Variants in USP22 observed in about 807,000 individuals in gnomAD.
USP22 encodes ubiquitin carboxyl-terminal hydrolase 22.
USP22 carries 22 observed loss-of-function variants against 68.1 expected under a neutral mutation model. That is an observed-to-expected ratio of 0.32 (90% CI 0.23 to 0.46). The LOEUF is 0.46. USP22 is among the 20% of genes least tolerant of loss of function. The probability of loss-of-function intolerance (pLI) is 1.00; values close to 1 mark genes in which losing one functional copy is unlikely to be tolerated. For synonymous variants in USP22, 279 were observed against 274.2 expected (o/e 1.02, Z -0.17); for missense variants, 433 against 695.8 (o/e 0.62, Z 4.25).
At chr17:21,033,728 T>C (rs1279009224) in intron 1 of USP22, among the ~76,000 whole-genome samples, 2 of 151,630 alleles carry the variant, frequency 1.3e-5, no homozygotes, top group African/African-American at 4.9e-5. Context: ...ACTCAAACAC[T>C]GACATAAGTG....
In USP22 at chr17:21,042,873, G is replaced by T; in HGVS notation, c.-38C>A. ...CCGGCCGCGCGCGGGGGGCGGCGGCGAGGGAGGCGAGGACGACGCCAGCGC... is the reference window on the plus strand; with the variant it reads ...CCGGCCGCGCGCGGGGGGCGGCGGCTAGGGAGGCGAGGACGACGCCAGCGC... On this transcript the variant is annotated 5_prime_UTR_variant, in exon 1 of 13. Coordinates refer to ENST00000261497, the MANE Select transcript of USP22 (RefSeq NM_015276.2). 1.6e-6 allele frequency: 2 copies of T among 1,220,426 alleles called. No homozygotes were observed. The highest frequency in any genetic ancestry group is 2.1e-6 in the Non-Finnish European group (2 of 975,524). 75.6% of individuals were successfully genotyped at this position (1,220,426 alleles called of 1,614,324 possible). A position where few individuals can be genotyped will look rare whatever the true frequency, so the allele number is the denominator to read the frequency against.
intron 5 of USP22, among the ~76,000 whole-genome samples, chr17:21,017,603 G>C (rs972837319): frequency 6.6e-6 from 1 of 152,198 alleles, no homozygotes; most frequent in Admixed American, 6.5e-5. Context: ...GGTGACACAT[G>C]CGTGCCTTTC....
chr17:21,042,656 C>T lies in USP22; in HGVS notation c.171+9G>A. On this transcript the variant is annotated intron_variant, in intron 1 of 12. Transcript: ENST00000261497. The stretch of plus-strand genomic sequence containing the variant: ...CCGAGCCCGCCGCGCGGTGGGCTGC[C>T]GGGCGCACCTTGCGCTTGCGGGCCT... The T allele has an allele frequency of 7.9e-7, 1 of 1,266,198 alleles. No individual in the cohort carries two copies. The allele number at this position is 1,266,198 out of a possible 1,614,324, so 78.4% of individuals were successfully genotyped here.
chr17:21,036,675 G>A (rs1972362113), intron 1 of USP22, among the ~76,000 whole-genome samples: 1 of 152,184 alleles, frequency 6.6e-6, no homozygotes, highest in Non-Finnish European at 1.5e-5. Context: ...ATAAACTGGA[G>A]GGGAAGGCTA....
rs11430423 is a variant in USP22 at position 21,002,953 on chromosome 17, A to AGG, written c.*76_*77dup. The stretch of plus-strand genomic sequence containing the variant: ...GGGGAGGCGGCGGGAGACTTGGGGG[A>AGG]GGGGGGGGCCAGGGAGGATCACTTT... On this transcript the variant is annotated 3_prime_UTR_variant, in exon 13 of 13. Transcript: ENST00000261497. 1,079 of 1,480,754 alleles carry AGG rather than the reference A, an allele frequency of 7.3e-4. 7 individuals carry two copies. In the African/African-American group the frequency reaches 0.013, roughly 18 times the overall value. The allele number at this position is 1,480,754 out of a possible 1,614,324, so 91.7% of individuals were successfully genotyped here. A position where few individuals can be genotyped will look rare whatever the true frequency, so the allele number is the denominator to read the frequency against.
intron 6 of USP22, among the ~76,000 whole-genome samples, chr17:21,013,388 GTCC>G (rs1365381318): frequency 6.6e-6 from 1 of 152,208 alleles, no homozygotes; most frequent in Non-Finnish European, 1.5e-5. Context: ...GACACAGGCT[GTCC>G]TCATCAGCTA....
At chr17:21,006,312 C>T (rs757700929) in intron 10 of USP22, among the ~76,000 whole-genome samples, 35 of 152,286 alleles carry the variant, frequency 2.3e-4, no homozygotes, top group Non-Finnish European at 4.7e-4. Context: ...ATCTGTTCCA[C>T]GAACTAAAAT....
intron 1 of USP22, among the ~76,000 whole-genome samples, chr17:21,028,907 C>A (rs979595479): frequency 6.6e-6 from 1 of 152,230 alleles, no homozygotes; most frequent in African/African-American, 2.4e-5. Flanking sequence ...ACAACTTCAA[C>A]TGCCAAAACC....
rs1263678119 is a variant in USP22 at position 21,001,488 on chromosome 17, AAT to A, written c.*1541_*1542del. 2.0e-5 allele frequency: 3 copies of A among 152,236 alleles called. No homozygotes were observed. The highest frequency in any genetic ancestry group is 4.8e-5 in the African/African-American group (2 of 41,464). The allele number at this position is 152,236 out of a possible 1,614,324, so 9.4% of individuals were successfully genotyped here. A position where few individuals can be genotyped will look rare whatever the true frequency, so the allele number is the denominator to read the frequency against. ...AAATCTAAGTTTCTTGACACAGAAC[AAT>A]ATATGTCATTCAGATTTCTGTGTCT... On this transcript the variant is annotated 3_prime_UTR_variant, in exon 13 of 13. Coordinates refer to ENST00000261497, the MANE Select transcript of USP22 (RefSeq NM_015276.2).
intron 3 of USP22, 108 bp downstream of exon 3, chr17:21,021,005 C>T (rs533667941): frequency 7.1e-6 from 6 of 850,424 alleles, no homozygotes; most frequent in Non-Finnish European, 1.2e-5. Flanking sequence ...CTCTTCCCAC[C>T]AGCCTGCCAC....
Position 21,002,885 on chromosome 17 carries a change from T to TG in USP22, c.*145dup. The TG allele has an allele frequency of 1.0e-6, 1 of 965,684 alleles. No homozygotes were observed. Among genetic ancestry groups the TG allele is most frequent in the South Asian group, 1.4e-5 (1 of 69,602 alleles). 59.8% of individuals were successfully genotyped at this position (965,684 alleles called of 1,614,324 possible). On this transcript the variant is annotated 3_prime_UTR_variant, in exon 13 of 13. Transcript: ENST00000261497. Reference sequence around the variant, plus strand: ...CCATCCCGACCCGATGGGTCCCAGGTGCAGAGGGGCCACATCTGCATGGGA... The same window carrying TG: ...CCATCCCGACCCGATGGGTCCCAGGTGGCAGAGGGGCCACATCTGCATGGGA...
intron 2 of USP22, among the ~76,000 whole-genome samples, chr17:21,024,014 A>C (rs1208315524): frequency 6.6e-6 from 1 of 152,236 alleles, no homozygotes; most frequent in Non-Finnish European, 1.5e-5. Context: ...AAGTCTTCCA[A>C]AGCAGATCTG....
At chr17:21,019,970 T>A (rs1972133284) in intron 3 of USP22, among the ~76,000 whole-genome samples, 1 of 152,172 alleles carries the variant, frequency 6.6e-6, no homozygotes, top group Non-Finnish European at 1.5e-5. Context: ...CAGAGATTGC[T>A]CTCCAGAGAA....
At chr17:21,034,738 C>T (rs1267935716) in intron 1 of USP22, among the ~76,000 whole-genome samples, 1 of 152,016 alleles carries the variant, frequency 6.6e-6, no homozygotes, top group African/African-American at 2.4e-5. Flanking sequence ...CTTAATATGG[C>T]CCCAAAGCTC....
At chr17:21,032,922 C>CAAAAAAAAAAAAAAAA (rs753804890) in intron 1 of USP22, among the ~76,000 whole-genome samples, 6 of 91,574 alleles carry the variant, frequency 6.6e-5, no homozygotes, top group African/African-American at 2.9e-4. Flanking sequence ...GACCCTGTCT[C>CAAAAAAAAAAAAAAAA]AAAAAAAAAA....
intron 3 of USP22, among the ~76,000 whole-genome samples, chr17:21,020,244 C>CAAAAAAAAAAAAAAAAAAAAAAAAA (rs3047597): frequency 9.6e-5 from 7 of 73,284 alleles, no homozygotes; most frequent in Non-Finnish European, 1.3e-4. Flanking sequence ...AATCAAAAAC[C>CAAAAAAAAAAAAAAAAAAAAAAAAA]AAAAAAAAAA....
At chr17:21,022,480 T>C (rs1470032278) in intron 2 of USP22, among the ~76,000 whole-genome samples, 1 of 152,180 alleles carries the variant, frequency 6.6e-6, no homozygotes, top group Admixed American at 6.5e-5. Flanking sequence ...TGAAAAAAGG[T>C]ACTCTCTCCA....
At chr17:21,010,564 C>G (rs7219504) in intron 8 of USP22, among the ~76,000 whole-genome samples, 38,248 of 143,086 alleles carry the variant, frequency 0.27, 5,289 homozygotes, top group Middle Eastern at 0.36. Flanking sequence ...GTAGTCCCAG[C>G]TACTCAGGAG....
chr17:21,002,807 C>A lies in USP22; in HGVS notation c.*224G>T. 4 of 522,602 alleles carry A rather than the reference C, an allele frequency of 7.7e-6. No homozygotes were observed. Among genetic ancestry groups the A allele is most frequent in the Admixed American group, 6.2e-5 (2 of 32,338 alleles). 32.4% of individuals were successfully genotyped at this position (522,602 alleles called of 1,614,324 possible). ...CTGCTCCTCCCACCCAGAGCACACCCCTCATCTCATCCATCTTCAAAGCAG... is the reference window on the plus strand; with the variant it reads ...CTGCTCCTCCCACCCAGAGCACACCACTCATCTCATCCATCTTCAAAGCAG... On this transcript the variant is annotated 3_prime_UTR_variant, in exon 13 of 13. Coordinates refer to ENST00000261497, the MANE Select transcript of USP22 (RefSeq NM_015276.2).
Sources: gnomAD v4.1 joint callset for allele counts (sites outside exome capture counted in the v4.1 genomes callset) on GRCh38, gnomAD v4.1.1 for gene constraint, MANE v1.5 for transcripts, NCBI Gene and HGNC (gene_info 2026-07-23, HGNC 2026-07-21) for gene names.